PRR36: variants seen among roughly 807,000 people sequenced by gnomAD.
PRR36 encodes the protein proline rich 36.
In PRR36, 30 loss-of-function variants were observed where a neutral mutation model predicts 58.6. That is an observed-to-expected ratio of 0.51 (90% CI 0.38 to 0.69). The LOEUF (loss-of-function observed/expected upper bound fraction) is 0.69. PRR36 is among the 30% of genes least tolerant of loss of function. The probability of loss-of-function intolerance (pLI) is 0.00; values close to 1 mark genes in which losing one functional copy is unlikely to be tolerated. For synonymous variants in PRR36, 771 were observed against 829.3 expected, an observed-to-expected ratio of 0.93 and a Z score of 1.21; for missense variants, 1,692 against 1,805.6, an observed-to-expected ratio of 0.94 and a Z score of 1.14.
In PRR36 at chr19:7,870,862, T is replaced by A. The variant is rs1388309880; in HGVS notation, c.2382A>T (p.Pro794=). ...GAGGGGGCGTGGTCAATGGCGAAGG[T>A]GGTGCTTGCAGAGGGCATGGGGCTG... ...PCPAPCPLQA[P]PSPLTTPPPE... is the part of the protein sequence containing the mutation. Residue 794 remains proline (P), a synonymous_variant, in exon 5 of 6, where the codon CCA becomes CCT. Transcript: ENST00000618550. The A allele has an allele frequency of 2.8e-6, 4 of 1,430,526 alleles. No individual in the cohort carries two copies. In the East Asian group the frequency reaches 1.0e-4, roughly 37 times the overall value. The allele number at this position is 1,430,526 out of a possible 1,614,324, so 88.6% of individuals were successfully genotyped here. A position where few individuals can be genotyped will look rare whatever the true frequency, so the allele number is the denominator to read the frequency against.
rs1348731928 is a variant in PRR36 at position 7,870,746 on chromosome 19, A to G, written c.2498T>C (p.Leu833Pro). Reference sequence around the variant, plus strand: ...TGGAGGGGGCGTGGCCAAAGGAGACAGAGGGGGAGAGGGCAGGCCCTGCAA... The same window carrying G: ...TGGAGGGGGCGTGGCCAAAGGAGACGGAGGGGGAGAGGGCAGGCCCTGCAA... ...PPLQGLPSPP[L>P]SPLATPPPQA... is the part of the protein sequence containing the mutation. The change falls in exon 5 of 6, where the codon CTG (leucine) becomes CCG (proline). Residue 833 changes from leucine (L) to proline (P), a missense_variant. This residue lies in a region of PRR36 where 171 missense variants were observed against 146.2 expected (regional missense o/e 1.17). Coordinates refer to ENST00000618550, the MANE Select transcript of PRR36 (RefSeq NM_001190467.2). 1.1e-5 allele frequency: 11 copies of G among 1,014,788 alleles called. No individual in the cohort carries two copies. Among genetic ancestry groups the G allele is most frequent in the East Asian group, 1.7e-4 (2 of 12,042 alleles). The allele number at this position is 1,014,788 out of a possible 1,614,324, so 62.9% of individuals were successfully genotyped here. A position where few individuals can be genotyped will look rare whatever the true frequency, so the allele number is the denominator to read the frequency against.
Position 7,869,995 on chromosome 19 carries a change from CG to C in PRR36, c.3248del (p.Pro1083ArgfsTer12). On this transcript the variant is annotated frameshift_variant, in exon 5 of 6. Coordinates refer to ENST00000618550, the MANE Select transcript of PRR36 (RefSeq NM_001190467.2). LOFTEE classifies it high-confidence loss of function. ...TLQAPRRPPT[P>X]GPDTSVSGPR... Reference sequence around the variant, plus strand: ...GGCCCGAGACGGAGGTATCCGGACCCGGGGTCGGGGGGCGGCGTGGGGCCTG... The same window carrying C: ...GGCCCGAGACGGAGGTATCCGGACCCGGGTCGGGGGGCGGCGTGGGGCCTG... 2 of 1,381,788 alleles carry C rather than the reference CG, an allele frequency of 1.4e-6. No homozygotes were observed. The highest frequency in any genetic ancestry group is 1.9e-6 in the Non-Finnish European group (2 of 1,074,458). 85.6% of individuals were successfully genotyped at this position (1,381,788 alleles called of 1,614,324 possible).
chr19:7,873,510 C>T lies in PRR36; in HGVS notation c.180G>A (p.Glu60=). The T allele has an allele frequency of 2.6e-6, 4 of 1,535,556 alleles. No individual in the cohort carries two copies. The highest frequency in any genetic ancestry group is 3.5e-6 in the Non-Finnish European group (4 of 1,146,838). The part of the protein sequence containing the change: ...AGAVGRKPLA[E]RAGGIGGATI... ...TGGCCCCGCCGATGCCCCCCGCTCG[C>T]TCTGCCAGAGGCTTTCGCCCCACTG... Residue 60 remains glutamate (E), a synonymous_variant, in exon 2 of 6, where the codon GAG becomes GAA. Coordinates refer to ENST00000618550, the MANE Select transcript of PRR36 (RefSeq NM_001190467.2). This position sits in a 1 kb window ranked among gnomAD's most constrained non-coding sequence, Gnocchi z 5.0.
Position 7,872,547 on chromosome 19 carries a change from C to G in PRR36, c.697G>C (p.Gly233Arg). ...GAGCGCGAGGCCGGCCTCTGGAGACCCCCACCGGCGCTGGGCCGCCTCCTG... is the reference window on the plus strand; with the variant it reads ...GAGCGCGAGGCCGGCCTCTGGAGACGCCCACCGGCGCTGGGCCGCCTCCTG... ...AARRRPSAGG[G>R]LQRPASRSLS... Residue 233 changes from glycine to arginine, a missense_variant, in exon 5 of 6, where the codon GGT becomes CGT. Gly to Arg is a moderately radical substitution (Grantham distance 125). Transcript: ENST00000618550. This position sits in a 1 kb window ranked among gnomAD's most constrained non-coding sequence, Gnocchi z 6.1. 2 of 1,521,130 alleles carry G rather than the reference C, an allele frequency of 1.3e-6. No homozygotes were observed. The highest frequency in any genetic ancestry group is 1.8e-6 in the Non-Finnish European group (2 of 1,140,732). 94.2% of individuals were successfully genotyped at this position (1,521,130 alleles called of 1,614,324 possible).
chr19:7,870,925 AGC>A lies in PRR36; in HGVS notation c.2317_2318del (p.Ala773SerfsTer232). On this transcript the variant is annotated frameshift_variant, in exon 5 of 6. Transcript: ENST00000618550. LOFTEE classifies it high-confidence loss of function. ...TCTCCAGATGGGGTGTGGTCAGGGG[AGC>A]AGAAGCTGTCTGCAGAGGAGGCGGG... ...LAPPPLQTAS[A>X]PLTTPHLETP... is the part of the protein sequence containing the mutation. 5.0e-6 allele frequency: 7 copies of A among 1,393,968 alleles called. No individual in the cohort carries two copies. The highest frequency in any genetic ancestry group is 3.0e-5 in the Admixed American group (1 of 33,102). The allele number at this position is 1,393,968 out of a possible 1,614,324, so 86.3% of individuals were successfully genotyped here.
rs565768972 is a variant in PRR36, at chr19:7,871,245, G to A, written c.1999C>T (p.Pro667Ser). 13 of 1,534,988 alleles carry A rather than the reference G, an allele frequency of 8.5e-6. No individual in the cohort carries two copies. In the Admixed American group the frequency reaches 9.8e-5, roughly 12 times the overall value. The part of the protein sequence containing the change: ...QAPLSLPASP[P>S]LQTSLSPAVS... ...GCAGGAGAGAGAGAAGTCTGCAGAGGGGGTGAGGCAGGAAGGGAAAGAGGG... is the reference window on the plus strand; with the variant it reads ...GCAGGAGAGAGAGAAGTCTGCAGAGAGGGTGAGGCAGGAAGGGAAAGAGGG... The change falls in exon 5 of 6, where the codon CCT becomes TCT. Residue 667 changes from proline (P) to serine (S), a missense_variant. Coordinates refer to ENST00000618550, the MANE Select transcript of PRR36 (RefSeq NM_001190467.2).
In PRR36 at chr19:7,869,798, G is replaced by A; in HGVS notation, c.3446C>T (p.Pro1149Leu). Residue 1149 changes from proline to leucine, a missense_variant, in exon 5 of 6, where the codon CCC (proline) becomes CTC (leucine). Physicochemically the swap from Pro to Leu is moderately conservative, Grantham distance 98. Coordinates refer to ENST00000618550, the MANE Select transcript of PRR36 (RefSeq NM_001190467.2). ...GCAAGCGGCGAGCTCTGCGTCGGGG[G>A]GCGGGGAGGCTGCGGCACCGCCCTC... The part of the protein sequence containing the change: ...GPEGGAAASP[P>L]PDAELAACHP... 4 of 1,356,188 alleles carry A rather than the reference G, an allele frequency of 2.9e-6. No homozygotes were observed. In the South Asian group the frequency reaches 7.1e-5, roughly 24 times the overall value. 84.0% of individuals were successfully genotyped at this position (1,356,188 alleles called of 1,614,324 possible).
In PRR36 at chr19:7,872,934, G is replaced by A; in HGVS notation, c.402C>T (p.Leu134=). Residue 134 remains leucine (L), a synonymous_variant, in exon 4 of 6, where the codon CTC becomes CTT. Transcript: ENST00000618550. This position sits in a 1 kb window ranked among gnomAD's most constrained non-coding sequence, Gnocchi z 6.1. ...CCACAGTTTCCTCCGCTGAGATCCG[G>A]AGTCCCTTCTGGCCAAGAGGGCCTG... is the stretch of plus-strand genomic sequence containing the variant. The part of the protein sequence containing the change: ...TRPGPLGQKG[L]RISAEETVAR... 6.5e-7 allele frequency: 1 copy of A among 1,536,068 alleles called. No homozygotes were observed. Among genetic ancestry groups the A allele is most frequent in the Non-Finnish European group, 8.7e-7 (1 of 1,146,880 alleles).
Position 7,869,355 on chromosome 19 carries a change from T to C in PRR36, c.3719A>G (p.Lys1240Arg). 3 of 1,432,568 alleles carry C rather than the reference T, an allele frequency of 2.1e-6. No individual in the cohort carries two copies. Among genetic ancestry groups the C allele is most frequent in the Non-Finnish European group, 1.8e-6 (2 of 1,102,628 alleles). 88.7% of individuals were successfully genotyped at this position (1,432,568 alleles called of 1,614,324 possible). A position where few individuals can be genotyped will look rare whatever the true frequency, so the allele number is the denominator to read the frequency against. The change falls in exon 6 of 6, where the codon AAG becomes AGG. Residue 1240 changes from lysine (K) to arginine (R), a missense_variant. Physicochemically the swap from Lys to Arg is conservative, Grantham distance 26 (BLOSUM62 2). This residue lies in a region of PRR36 where 485 missense variants were observed against 549.2 expected (regional missense o/e 0.88). Transcript: ENST00000618550. ...AGAGASSRSP[K>R]QARLGELPLG... ...TGGCAGCTCGCCCAGGCGCGCCTGCTTCGGGCTCCGCGAGGACGCCCCGGC... is the reference window on the plus strand; with the variant it reads ...TGGCAGCTCGCCCAGGCGCGCCTGCCTCGGGCTCCGCGAGGACGCCCCGGC...
In PRR36 at chr19:7,873,761, C is replaced by T; in HGVS notation, c.-7-65G>A. On this transcript the variant is annotated intron_variant, in intron 1 of 5. Coordinates refer to ENST00000618550, the MANE Select transcript of PRR36 (RefSeq NM_001190467.2). This position sits in a 1 kb window ranked among gnomAD's most constrained non-coding sequence, Gnocchi z 5.0. ...GCTACGCCGCCTCCAGAGACCTGGA[C>T]CCTGCTACCTCACTGCCCTTTCGCA... The T allele has an allele frequency of 7.0e-7, 1 of 1,437,112 alleles. No individual in the cohort carries two copies. The highest frequency in any genetic ancestry group is 1.3e-5 in the South Asian group (1 of 76,266). 89.0% of individuals were successfully genotyped at this position (1,437,112 alleles called of 1,614,324 possible).
At position 7,872,196 on chromosome 19, in the gene PRR36, G is replaced by A. The variant is rs1448194563; in HGVS notation, c.1048C>T (p.Pro350Ser). Residue 350 changes from proline to serine, a missense_variant, in exon 5 of 6, where the codon CCG becomes TCG. Pro to Ser is a moderately conservative substitution (Grantham distance 74). Transcript: ENST00000618550. The surrounding 1 kb of genome is among the most constrained non-coding windows in gnomAD (Gnocchi z 6.1). ...TGGGGCGTGGCCGGCAGGGTGGGCG[G>A]GGCCTGACTTTGGAGAGCGGCTGGC... ...PPPAALQSQA[P>S]PTLPATPHSS... The A allele has an allele frequency of 2.1e-6, 3 of 1,463,050 alleles. No individual in the cohort carries two copies. The highest frequency in any genetic ancestry group is 4.9e-5 in the Admixed American group (2 of 40,762). 90.6% of individuals were successfully genotyped at this position (1,463,050 alleles called of 1,614,324 possible).
At position 7,872,497 on chromosome 19, in the gene PRR36, G is replaced by C. The variant is rs1039964963; in HGVS notation, c.747C>G (p.Leu249=). ...SRSLSSSATP[L]SSPARSGPSA... ...AGGGCCCAGAACGGGCTGGGGAGGAGAGAGGGGTGGCGCTGGAGCTCAGGG... is the reference window on the plus strand; with the variant it reads ...AGGGCCCAGAACGGGCTGGGGAGGACAGAGGGGTGGCGCTGGAGCTCAGGG... The change falls in exon 5 of 6, where the codon CTC becomes CTG. Residue 249 remains leucine, a synonymous_variant. Coordinates refer to ENST00000618550, the MANE Select transcript of PRR36 (RefSeq NM_001190467.2). This position sits in a 1 kb window ranked among gnomAD's most constrained non-coding sequence, Gnocchi z 6.1. The C allele has an allele frequency of 1.3e-6, 2 of 1,491,464 alleles. No homozygotes were observed. Among genetic ancestry groups the C allele is most frequent in the African/African-American group, 1.4e-5 (1 of 71,232 alleles). 92.4% of individuals were successfully genotyped at this position (1,491,464 alleles called of 1,614,324 possible).
Position 7,869,918 on chromosome 19 carries a change from C to T in PRR36, c.3326G>A (p.Ser1109Asn). 7.3e-7 allele frequency: 1 copy of T among 1,365,694 alleles called. No homozygotes were observed. The highest frequency in any genetic ancestry group is 9.4e-7 in the Non-Finnish European group (1 of 1,066,640). 84.6% of individuals were successfully genotyped at this position (1,365,694 alleles called of 1,614,324 possible). Residue 1109 changes from serine (S) to asparagine (N), a missense_variant, in exon 5 of 6, where the codon AGC (serine) becomes AAC (asparagine). Transcript: ENST00000618550. Reference sequence around the variant, plus strand: ...TGGGCCGCTCAGCGTGCTGGACGGGCTGCGCGAGGGCGGCGGCGGCGGGCC... The same window carrying T: ...TGGGCCGCTCAGCGTGCTGGACGGGTTGCGCGAGGGCGGCGGCGGCGGGCC... Reference protein sequence around the residue: ...APGPPPPPSRSPSSTLSGPDL... With the variant: ...APGPPPPPSRNPSSTLSGPDL...
In PRR36 at chr19:7,871,362, A is replaced by T; in HGVS notation, c.1882T>A (p.Phe628Ile). 1 of 1,534,640 alleles carries T rather than the reference A, an allele frequency of 6.5e-7. No individual in the cohort carries two copies. Among genetic ancestry groups the T allele is most frequent in the African/African-American group, 1.4e-5 (1 of 72,530 alleles). The change falls in exon 5 of 6, where the codon TTC (phenylalanine) becomes ATC (isoleucine). Residue 628 changes from phenylalanine (F) to isoleucine (I), a missense_variant. Around this residue, in one of 5 missense-constraint regions of PRR36, gnomAD observed 975 missense variants for 955.2 expected, o/e 1.02. Coordinates refer to ENST00000618550, the MANE Select transcript of PRR36 (RefSeq NM_001190467.2). The part of the protein sequence containing the change: ...GSPTLQATHS[F>I]LTMSPRQTQA... Reference sequence around the variant, plus strand: ...GTTTGCCTAGGGGACATTGTCAGGAAAGAATGTGTGGCCTGCAGAGTGGGT... The same window carrying T: ...GTTTGCCTAGGGGACATTGTCAGGATAGAATGTGTGGCCTGCAGAGTGGGT...
chr19:7,869,739 G>A lies in PRR36; in HGVS notation c.3505C>T (p.Pro1169Ser), dbSNP rs1980286877. 1.5e-6 allele frequency: 2 copies of A among 1,347,276 alleles called. No individual in the cohort carries two copies. The highest frequency in any genetic ancestry group is 6.2e-5 in the East Asian group (2 of 32,030). The allele number at this position is 1,347,276 out of a possible 1,614,324, so 83.5% of individuals were successfully genotyped here. A position where few individuals can be genotyped will look rare whatever the true frequency, so the allele number is the denominator to read the frequency against. The stretch of plus-strand genomic sequence containing the variant: ...CCTGGGGCTCCGCGGAAAGCCAGCG[G>A]CGGAGCGGGGCCTCGACTCCAGGCA... Reference protein sequence around the residue: ...PAAWSRGPAPPLAFRGAPGAP... With the variant: ...PAAWSRGPAPSLAFRGAPGAP... The change falls in exon 5 of 6, where the codon CCG (proline) becomes TCG (serine). Residue 1169 changes from proline to serine, a missense_variant. By Grantham distance (74) the Pro-to-Ser change is moderately conservative (BLOSUM62 -1). Transcript: ENST00000618550.
chr19:7,872,533 C>T lies in PRR36; in HGVS notation c.711G>A (p.Pro237=). The change falls in exon 5 of 6, where the codon CCG becomes CCA. Residue 237 remains proline, a synonymous_variant. Coordinates refer to ENST00000618550, the MANE Select transcript of PRR36 (RefSeq NM_001190467.2). This position sits in a 1 kb window ranked among gnomAD's most constrained non-coding sequence, Gnocchi z 6.1. ...CGCTGGAGCTCAGGGAGCGCGAGGC[C>T]GGCCTCTGGAGACCCCCACCGGCGC... The part of the protein sequence containing the change: ...RPSAGGGLQR[P]ASRSLSSSAT... The T allele has an allele frequency of 6.6e-7, 1 of 1,515,610 alleles. No individual in the cohort carries two copies. The highest frequency in any genetic ancestry group is 8.8e-7 in the Non-Finnish European group (1 of 1,138,302). The allele number at this position is 1,515,610 out of a possible 1,614,324, so 93.9% of individuals were successfully genotyped here.
Position 7,869,885 on chromosome 19 carries a change from G to T in PRR36, c.3359C>A (p.Ala1120Asp). The T allele has an allele frequency of 7.5e-7, 1 of 1,336,992 alleles. No individual in the cohort carries two copies. The highest frequency in any genetic ancestry group is 9.5e-7 in the Non-Finnish European group (1 of 1,050,306). The allele number at this position is 1,336,992 out of a possible 1,614,324, so 82.8% of individuals were successfully genotyped here. A position where few individuals can be genotyped will look rare whatever the true frequency, so the allele number is the denominator to read the frequency against. Reference protein sequence around the residue: ...PSSTLSGPDLAGHSSSATSTP... With the variant: ...PSSTLSGPDLDGHSSSATSTP... ...GCTCGTGGCGCTGCTGCTGTGGCCG[G>T]CCAGGTCTGGGCCGCTCAGCGTGCT... Residue 1120 changes from alanine to aspartate, a missense_variant, in exon 5 of 6, where the codon GCC becomes GAC. Ala to Asp is a moderately radical substitution (Grantham distance 126, BLOSUM62 -2). Transcript: ENST00000618550.
chr19:7,871,221 C>T lies in PRR36; in HGVS notation c.2023G>A (p.Ala675Thr), dbSNP rs569163340. Residue 675 changes from alanine to threonine, a missense_variant, in exon 5 of 6, where the codon GCT becomes ACT. Transcript: ENST00000618550. ...SPPLQTSLSP[A>T]VSPLSSPLTI... The stretch of plus-strand genomic sequence containing the variant: ...AGGGGTGAGCTTAGGGGTGAGACAG[C>T]AGGAGAGAGAGAAGTCTGCAGAGGG... 1,489 of 1,513,696 alleles carry T rather than the reference C, an allele frequency of 9.8e-4. 3 individuals are homozygous for T. Among genetic ancestry groups the T allele is most frequent in the Non-Finnish European group, 9.5e-4 (1,087 of 1,142,688 alleles). The allele number at this position is 1,513,696 out of a possible 1,614,324, so 93.8% of individuals were successfully genotyped here. A position where few individuals can be genotyped will look rare whatever the true frequency, so the allele number is the denominator to read the frequency against.
Position 7,870,519 on chromosome 19 carries a change from G to C in PRR36, c.2725C>G (p.Pro909Ala). ...FSPPASPPVS[P>A]SATPPSQAPP... ...GCCTGTGAAGGGGGCGTGGCCGAAGGAGACACTGGGGGTGAGGCAGGGGGA... is the reference window on the plus strand; with the variant it reads ...GCCTGTGAAGGGGGCGTGGCCGAAGCAGACACTGGGGGTGAGGCAGGGGGA... The change falls in exon 5 of 6, where the codon CCT becomes GCT. Residue 909 changes from proline (P) to alanine (A), a missense_variant. By Grantham distance (27) the Pro-to-Ala change is conservative. Around this residue, in one of 5 missense-constraint regions of PRR36, gnomAD observed 171 missense variants for 146.2 expected, o/e 1.17. Transcript: ENST00000618550. The C allele has an allele frequency of 1.5e-6, 1 of 655,844 alleles. No homozygotes were observed. Among genetic ancestry groups the C allele is most frequent in the Middle Eastern group, 5.1e-4 (1 of 1,966 alleles). The allele number at this position is 655,844 out of a possible 1,614,324, so 40.6% of individuals were successfully genotyped here.
Sources: allele counts gnomAD v4.1 joint callset, GRCh38; gene constraint gnomAD v4.1.1; regional missense constraint gnomAD v4.1.1; non-coding constraint Gnocchi (gnomAD v3.1); transcripts MANE v1.5; gene names NCBI Gene and HGNC (gene_info 2026-07-23, HGNC 2026-07-21).